The following PHAX variants were observed in gnomAD, a reference collection of about 807,000 sequenced individuals.
PHAX encodes phosphorylated adaptor for RNA export.
In PHAX, 31 loss-of-function variants were observed where a neutral mutation model predicts 41.6. The ratio of observed to expected loss-of-function variants is 0.75; its 90% CI spans 0.56 to 1.01. PHAX has a LOEUF of 1.01. PHAX is among the 50% of genes least tolerant of loss of function. The probability of loss-of-function intolerance (pLI) is 0.00; values close to 1 mark genes in which losing one functional copy is unlikely to be tolerated. For missense variants in PHAX, 453 were observed against 472.9 expected, an observed-to-expected ratio of 0.96 and a Z score of 0.39; for synonymous variants, 175 against 164.9, an observed-to-expected ratio of 1.06 and a Z score of -0.47.
intron 2 of PHAX, among the ~76,000 whole-genome samples, chr5:126,607,622 C>T (rs1410584142): frequency 2.6e-5 from 4 of 151,930 alleles, no homozygotes; most frequent in Non-Finnish European, 5.9e-5. Context: ...AGACTGGTCT[C>T]GAACTCCCAA....
At chr5:126,608,332 CAA>C (rs760975383) in intron 2 of PHAX, 30 bp from the exon 3 acceptor site, 10 of 1,598,904 alleles carry the variant, frequency 6.3e-6, no homozygotes, top group South Asian at 2.3e-5. Context: ...GTACAACAAA[CAA>C]AGAGGATAAT....
chr5:126,624,912 G>T lies in PHAX; in HGVS notation c.*68G>T, dbSNP rs986505289. 7 of 1,410,486 alleles carry T rather than the reference G, an allele frequency of 5.0e-6. No individual in the cohort carries two copies. The African/African-American group carries it at 1.0e-4, about 20-fold the overall frequency. The allele number at this position is 1,410,486 out of a possible 1,614,324, so 87.4% of individuals were successfully genotyped here. ...CATTGTAATAAACCATTTTTACTGA[G>T]ATTGCAACGTTTTGCACTGATAAAC... On this transcript the variant is annotated 3_prime_UTR_variant, in exon 5 of 5. Coordinates refer to ENST00000297540, the MANE Select transcript of PHAX (RefSeq NM_032177.4).
rs368629958 is a variant in PHAX, at chr5:126,609,379, G to A, written c.831+895G>A. Among the ~76,000 whole-genome samples the A allele has an allele frequency of 3.9e-5, 6 of 152,164 alleles. No individual in the cohort carries two copies. In the South Asian group the frequency reaches 1.2e-3, roughly 32 times the overall value. On this transcript the variant is annotated intron_variant, in intron 3 of 4. Coordinates refer to ENST00000297540, the MANE Select transcript of PHAX (RefSeq NM_032177.4). ...GCCTCCCAAAGTGCTGGGATTACAG[G>A]CGTGAGCCACTGCACCCGGCCAAAG...
At chr5:126,617,152 T>A (rs920607471) in intron 3 of PHAX, 98 bp from the exon 4 acceptor site, 2 of 611,126 alleles carry the variant, frequency 3.3e-6, no homozygotes, top group Non-Finnish European at 5.7e-6. Context: ...TCAGATCTGG[T>A]ATTTCTTCTA....
At chr5:126,608,315 C>G (rs753080689) in intron 2 of PHAX, 49 bp from the exon 3 acceptor site, 1 of 1,561,578 alleles carries the variant, frequency 6.4e-7, no homozygotes, top group South Asian at 1.2e-5. Flanking sequence ...TAGATTTCTT[C>G]AACTTTGTAC....
chr5:126,607,592 G>A (rs968174440), intron 2 of PHAX, among the ~76,000 whole-genome samples: 2 of 151,660 alleles, frequency 1.3e-5, no homozygotes, highest in Middle Eastern at 3.4e-3. Flanking sequence ...TTGTAAAGAC[G>A]GGGTTTCTCC....
rs78949326 is a variant in PHAX at position 126,623,889 on chromosome 5, C to T, written c.916-686C>T. On this transcript the variant is annotated intron_variant, in intron 4 of 4. Coordinates refer to ENST00000297540, the MANE Select transcript of PHAX (RefSeq NM_032177.4). ...GGGTCCCAGAAGTGTGTCCTGCCTA[C>T]ACTAGCTTCTTTTTTAAACCTTTGA... 2.9e-3 allele frequency among the ~76,000 whole-genome samples: 445 copies of T among 152,200 alleles called. 2 individuals carry two copies. Among genetic ancestry groups the T allele is most frequent in the African/African-American group, 0.01 (422 of 41,546 alleles).
At chr5:126,611,300 G>T (rs1050440516) in intron 3 of PHAX, among the ~76,000 whole-genome samples, 1 of 151,246 alleles carries the variant, frequency 6.6e-6, no homozygotes, top group East Asian at 1.9e-4. Flanking sequence ...GTGATCTGCC[G>T]GCCTCGGCCT....
At chr5:126,603,495 C>G in intron 1 of PHAX, 75 bp from the exon 2 acceptor site, 1 of 1,479,108 alleles carries the variant, frequency 6.8e-7, no homozygotes, top group Non-Finnish European at 9.1e-7. Flanking sequence ...AAAGTTGAAT[C>G]TCTAAATTTT....
At chr5:126,620,926 G>A (rs182254035) in intron 4 of PHAX, among the ~76,000 whole-genome samples, 26 of 152,146 alleles carry the variant, frequency 1.7e-4, no homozygotes, top group Admixed American at 6.6e-4. Context: ...AGTAGAGACA[G>A]GGTTTCACCA....
intron 1 of PHAX, among the ~76,000 whole-genome samples, chr5:126,601,828 G>A (rs1751908883): frequency 6.6e-6 from 1 of 152,096 alleles, no homozygotes. Context: ...TGCCACGCCC[G>A]GTTAATTTTT....
chr5:126,623,406 T>C (rs1031628558), intron 4 of PHAX, among the ~76,000 whole-genome samples: 2 of 152,180 alleles, frequency 1.3e-5, no homozygotes, highest in African/African-American at 4.8e-5. Flanking sequence ...CAAGGATAGT[T>C]AACTACCTCA....
intron 4 of PHAX, among the ~76,000 whole-genome samples, chr5:126,620,750 G>GT (rs1436600559): frequency 1.3e-5 from 2 of 150,934 alleles, no homozygotes; most frequent in Non-Finnish European, 2.9e-5. Flanking sequence ...TTGTTTGTTT[G>GT]TTTTTTTGAG....
chr5:126,615,654 C>G (rs1296901473), intron 3 of PHAX, among the ~76,000 whole-genome samples: 8 of 151,852 alleles, frequency 5.3e-5, no homozygotes, highest in Non-Finnish European at 1.2e-4. Context: ...AGATAAGCAT[C>G]GTTTAGGCAT....
At chr5:126,616,686 G>A (rs555903341) in intron 3 of PHAX, among the ~76,000 whole-genome samples, 1 of 151,940 alleles carries the variant, frequency 6.6e-6, no homozygotes, top group South Asian at 2.1e-4. Flanking sequence ...TTGAGACCAG[G>A]CTGGCCAACA....
chr5:126,619,316 G>A lies in PHAX; in HGVS notation c.915+1983G>A, dbSNP rs1026540742. The stretch of plus-strand genomic sequence containing the variant: ...GGTTAGGTCAGGCGTGGTGGCTCCT[G>A]TCTGTAATTCCAGCATTTTGGGAGG... On this transcript the variant is annotated intron_variant, in intron 4 of 4. Transcript: ENST00000297540. 2.0e-5 allele frequency among the ~76,000 whole-genome samples: 3 copies of A among 152,186 alleles called. No homozygotes were observed. The East Asian group carries it at 5.8e-4, about 29-fold the overall frequency.
At chr5:126,606,785 G>T (rs188617118) in intron 2 of PHAX, among the ~76,000 whole-genome samples, 1 of 151,892 alleles carries the variant, frequency 6.6e-6, no homozygotes, top group South Asian at 2.1e-4. Flanking sequence ...CCTAGTAGCC[G>T]GGATTAGAGG....
intron 1 of PHAX, 66 bp from the exon 2 acceptor site, chr5:126,603,504 T>C (rs569444854): frequency 1.5e-4 from 223 of 1,513,388 alleles, no homozygotes; most frequent in Middle Eastern, 1.2e-3. Flanking sequence ...TCTCTAAATT[T>C]TTAAAAATTA....
At chr5:126,612,809 A>G (rs1209811500) in intron 3 of PHAX, among the ~76,000 whole-genome samples, 4 of 152,228 alleles carry the variant, frequency 2.6e-5, no homozygotes, top group African/African-American at 9.6e-5. Context: ...TCTGACCAGC[A>G]TGGTAGCAGT....
Sources: allele counts gnomAD v4.1 joint callset (sites outside exome capture counted in the v4.1 genomes callset), GRCh38; gene constraint gnomAD v4.1.1; transcripts MANE v1.5; gene names NCBI Gene and HGNC (gene_info 2026-07-23, HGNC 2026-07-21).